The following WDR88 variants were observed in gnomAD, a reference collection of about 807,000 sequenced individuals.
The protein encoded by WDR88 is WD repeat-containing protein 88.
In WDR88, 40 loss-of-function variants were observed where a neutral mutation model predicts 46.8. That is an observed-to-expected ratio of 0.86 (90% CI 0.66 to 1.11). The LOEUF is 1.11. WDR88 is among the 50% of genes most tolerant of loss of function. The pLI is 0.00. For synonymous variants in WDR88, 235 were observed against 240.7 expected (o/e 0.98, Z 0.22); for missense variants, 562 against 602.4 (o/e 0.93, Z 0.70).
At chr19:33,136,118 C>A (rs1006392528) in intron 1 of WDR88, among the ~76,000 whole-genome samples, 2 of 150,276 alleles carry the variant, frequency 1.3e-5, no homozygotes, top group African/African-American at 4.9e-5. Context: ...TGCAATGGCA[C>A]GACCTCGGCT....
In WDR88 at chr19:33,173,618, G is replaced by A. The variant is rs188802285; in HGVS notation, c.1242+1178G>A. Reference sequence around the variant, plus strand: ...GCTTCTGGGAATGGCTAATTTGGGAGCCGCACTGCAAGGCAGTTGTGTGAG... The same window carrying A: ...GCTTCTGGGAATGGCTAATTTGGGAACCGCACTGCAAGGCAGTTGTGTGAG... On this transcript the variant is annotated intron_variant, in intron 10 of 10. Coordinates refer to ENST00000355868, the MANE Select transcript of WDR88 (RefSeq NM_173479.4). 4.1e-4 allele frequency among the ~76,000 whole-genome samples: 63 copies of A among 152,370 alleles called. No homozygotes were observed. The East Asian group carries it at 0.012, about 28-fold the overall frequency.
At chr19:33,138,320 G>A (rs2145364650) in intron 2 of WDR88, among the ~76,000 whole-genome samples, 1 of 152,100 alleles carries the variant, frequency 6.6e-6, no homozygotes, top group African/African-American at 2.4e-5. Flanking sequence ...CCGAAGTGCT[G>A]GGAATATAGG....
At chr19:33,171,959 G>T (rs1000749110) in intron 9 of WDR88, among the ~76,000 whole-genome samples, 2 of 152,116 alleles carry the variant, frequency 1.3e-5, no homozygotes, top group Non-Finnish European at 2.9e-5. Flanking sequence ...TTTTAGTAGA[G>T]ACGGGGTTTC....
At chr19:33,152,783 G>A (rs1973661325) in intron 6 of WDR88, among the ~76,000 whole-genome samples, 1 of 151,990 alleles carries the variant, frequency 6.6e-6, no homozygotes, top group African/African-American at 2.4e-5. Context: ...TGTATTATTA[G>A]TAGAGACGGG....
At chr19:33,170,345 A>AT (rs1211679975) in intron 9 of WDR88, among the ~76,000 whole-genome samples, 2 of 150,660 alleles carry the variant, frequency 1.3e-5, no homozygotes, top group East Asian at 4.0e-4. Context: ...TGCCTGGCTA[A>AT]TTTTTTGTAT....
chr19:33,166,872 T>G (rs1389138588), intron 9 of WDR88, among the ~76,000 whole-genome samples: 4 of 152,156 alleles, frequency 2.6e-5, no homozygotes, highest in African/African-American at 9.7e-5. Context: ...GCCACAATCA[T>G]GCCACTACAT....
Position 33,137,825 on chromosome 19 carries a change from C to T in WDR88, c.387+38C>T, listed in dbSNP as rs373083727. On this transcript the variant is annotated intron_variant, in intron 2 of 10. Transcript: ENST00000355868. ...CTGTTAGGTACTCCTGGAGCGAAAA[C>T]CTTTCCTAAGCTTAGGCACCTCCTG... 28 of 1,581,082 alleles carry T rather than the reference C, an allele frequency of 1.8e-5. No homozygotes were observed. The East Asian group carries it at 5.4e-4, about 30-fold the overall frequency.
chr19:33,173,417 G>A (rs1974073028), intron 10 of WDR88, among the ~76,000 whole-genome samples: 1 of 152,250 alleles, frequency 6.6e-6, no homozygotes, highest in Non-Finnish European at 1.5e-5. Context: ...GGCACAGCTG[G>A]GGCTGGCCAC....
At chr19:33,147,534 T>G in intron 3 of WDR88, 111 bp from the exon 4 acceptor site, 1 of 972,068 alleles carries the variant, frequency 1.0e-6, no homozygotes, top group Non-Finnish European at 1.5e-6. Flanking sequence ...ACCTGGGAGG[T>G]GGAGGTTGCA....
chr19:33,144,725 T>C, intron 2 of WDR88, 119 bp from the exon 3 acceptor site: 1 of 880,656 alleles, frequency 1.1e-6, no homozygotes, highest in Non-Finnish European at 1.9e-6. Flanking sequence ...TCCCAGGACC[T>C]TGGAGTTCTC....
intron 8 of WDR88, 113 bp downstream of exon 8, chr19:33,160,609 T>A: frequency 9.1e-7 from 1 of 1,093,312 alleles, no homozygotes; most frequent in Non-Finnish European, 1.4e-6. Context: ...TTGATGCCTC[T>A]GTGGGCTGAT....
At chr19:33,139,351 G>C (rs55718225) in intron 2 of WDR88, among the ~76,000 whole-genome samples, 1 of 152,218 alleles carries the variant, frequency 6.6e-6, no homozygotes, top group Non-Finnish European at 1.5e-5. Flanking sequence ...GAGCAGGGCT[G>C]GGGGAAGGCA....
chr19:33,145,540 T>C (rs1404353513), intron 3 of WDR88, among the ~76,000 whole-genome samples: 1 of 151,698 alleles, frequency 6.6e-6, no homozygotes, highest in Admixed American at 6.6e-5. Flanking sequence ...TTATCTTTTT[T>C]TTTTTCTTTT....
chr19:33,146,774 T>C (rs1973527543), intron 3 of WDR88, among the ~76,000 whole-genome samples: 3 of 152,128 alleles, frequency 2.0e-5, no homozygotes, highest in African/African-American at 7.2e-5. Context: ...CGCCTCAGCC[T>C]CCCAAAGTGT....
At chr19:33,161,918 T>C (rs1973873963) in intron 8 of WDR88, among the ~76,000 whole-genome samples, 2 of 152,130 alleles carry the variant, frequency 1.3e-5, no homozygotes, top group Admixed American at 1.3e-4. Flanking sequence ...TGAGCTGAGA[T>C]TGCACCACTG....
At position 33,137,661 on chromosome 19, in the gene WDR88, T is replaced by C. The variant is rs778807975; in HGVS notation, c.277-16T>C. 2 of 1,606,778 alleles carry C rather than the reference T, an allele frequency of 1.2e-6. No individual in the cohort carries two copies. Among genetic ancestry groups the C allele is most frequent in the East Asian group, 2.2e-5 (1 of 44,842 alleles). ...CCTGCAACATGTTTAGCTCATCTGG[T>C]CTCTCCTTTTTTCAGATCCCATTTA... On this transcript the variant is annotated splice_polypyrimidine_tract_variant and intron_variant, in intron 1 of 10. Coordinates refer to ENST00000355868, the MANE Select transcript of WDR88 (RefSeq NM_173479.4).
chr19:33,150,362 T>C (rs1471626448), intron 5 of WDR88, among the ~76,000 whole-genome samples: 1 of 152,154 alleles, frequency 6.6e-6, no homozygotes, highest in East Asian at 1.9e-4. Flanking sequence ...TGAGGCAGAA[T>C]TGCTGGAACC....
At chr19:33,134,404 G>C (rs1191412992) in intron 1 of WDR88, among the ~76,000 whole-genome samples, 1 of 151,920 alleles carries the variant, frequency 6.6e-6, no homozygotes, top group African/African-American at 2.4e-5. Flanking sequence ...TGTTGCCCAG[G>C]CTGGTCTTAA....
At chr19:33,138,038 ATTT>A (rs745407325) in intron 2 of WDR88, among the ~76,000 whole-genome samples, 1 of 139,856 alleles carries the variant, frequency 7.2e-6, no homozygotes, top group African/African-American at 2.6e-5. Context: ...AGTGCCACAC[ATTT>A]TTTTTTTTTT....
Sources: allele counts gnomAD v4.1 joint callset (sites outside exome capture counted in the v4.1 genomes callset), GRCh38; gene constraint gnomAD v4.1.1; transcripts MANE v1.5; gene names NCBI Gene and HGNC (gene_info 2026-07-23, HGNC 2026-07-21).